Variants in ACSS3 observed in about 807,000 individuals in gnomAD.
ACSS3 encodes the protein acyl-CoA synthetase short-chain family member 3, mitochondrial.
In ACSS3, 64 loss-of-function variants were observed where a neutral mutation model predicts 84.2. That is an observed-to-expected ratio of 0.76 (90% CI 0.62 to 0.94). The LOEUF is 0.94. ACSS3 is among the 40% of genes least tolerant of loss of function. ACSS3 has a pLI of 0.00. For synonymous variants in ACSS3, 317 were observed against 310.1 expected, an observed-to-expected ratio of 1.02 and a Z score of -0.23; for missense variants, 815 against 867.6, an observed-to-expected ratio of 0.94 and a Z score of 0.76.
At position 81,256,935 on chromosome 12, in the gene ACSS3, C is replaced by T. The variant is rs2034321137; in HGVS notation, c.*2013C>T. The T allele has an allele frequency of 1.3e-5, 2 of 152,116 alleles. No homozygotes were observed. The highest frequency in any genetic ancestry group is 4.8e-5 in the African/African-American group (2 of 41,402). 9.4% of individuals were successfully genotyped at this position (152,116 alleles called of 1,614,324 possible). A position where few individuals can be genotyped will look rare whatever the true frequency, so the allele number is the denominator to read the frequency against. ...TTCATTGGTACGTTTTATCCATTGTCACAACTGTGGTCTTCATTAATAACT... is the reference window on the plus strand; with the variant it reads ...TTCATTGGTACGTTTTATCCATTGTTACAACTGTGGTCTTCATTAATAACT... On this transcript the variant is annotated 3_prime_UTR_variant, in exon 16 of 16. Transcript: ENST00000548058.
intron 2 of ACSS3, among the ~76,000 whole-genome samples, chr12:81,133,124 T>C (rs574194657): frequency 1.6e-4 from 25 of 152,252 alleles, no homozygotes; most frequent in African/African-American, 5.8e-4. Context: ...CGTGTTTTTT[T>C]TTTTCTTTCT....
At chr12:81,158,559 C>T (rs11835646) in intron 7 of ACSS3, 71,653 of 153,696 alleles carry the variant, frequency 0.47, 17,202 homozygotes, top group Non-Finnish European at 0.52. Context: ...GTGCTTGACT[C>T]CTCAGCATTT....
At chr12:81,126,397 G>A (rs1885099155) in intron 2 of ACSS3, among the ~76,000 whole-genome samples, 1 of 152,170 alleles carries the variant, frequency 6.6e-6, no homozygotes, top group African/African-American at 2.4e-5. Context: ...CCTGTTGTGT[G>A]TTAATAACAG....
At chr12:81,222,043 T>G (rs1240331413) in intron 11 of ACSS3, among the ~76,000 whole-genome samples, 1 of 152,034 alleles carries the variant, frequency 6.6e-6, no homozygotes, top group African/African-American at 2.4e-5. Flanking sequence ...AAACTGTAAT[T>G]TTTTTCTTAT....
At chr12:81,115,722 G>T (rs1883984740) in intron 2 of ACSS3, among the ~76,000 whole-genome samples, 1 of 152,212 alleles carries the variant, frequency 6.6e-6, no homozygotes, top group African/African-American at 2.4e-5. Flanking sequence ...TTAAAGAGAA[G>T]ACCTTACCAA....
At chr12:81,160,509 C>T (rs1489270655) in intron 7 of ACSS3, among the ~76,000 whole-genome samples, 1 of 152,168 alleles carries the variant, frequency 6.6e-6, no homozygotes. Context: ...GGTTATCTTG[C>T]TCTGCCTTTA....
intron 13 of ACSS3, among the ~76,000 whole-genome samples, chr12:81,235,271 T>C (rs2033594799): frequency 6.6e-6 from 1 of 151,264 alleles, no homozygotes; most frequent in East Asian, 1.9e-4. Context: ...TTCTATTTCA[T>C]TGATCTATGT....
chr12:81,121,401 A>G (rs1256316374), intron 2 of ACSS3, among the ~76,000 whole-genome samples: 1 of 152,188 alleles, frequency 6.6e-6, no homozygotes, highest in Admixed American at 6.5e-5. Flanking sequence ...TAAGAGAAAA[A>G]AAGCCTCTAA....
At chr12:81,218,312 G>A (rs1045549679) in intron 10 of ACSS3, among the ~76,000 whole-genome samples, 2 of 152,134 alleles carry the variant, frequency 1.3e-5, no homozygotes, top group African/African-American at 4.8e-5. Flanking sequence ...ATTTGGCTTA[G>A]TAGACCTATG....
upstream of ACSS3, chr12:81,078,014 G>A (rs1186319739): frequency 3.1e-6 from 4 of 1,276,842 alleles, no homozygotes; most frequent in Non-Finnish European, 4.2e-6. Context: ...TGGGCTCTGG[G>A]CTCACTTCGG....
chr12:81,250,697 G>A (rs543256792), intron 13 of ACSS3, among the ~76,000 whole-genome samples: 3 of 152,070 alleles, frequency 2.0e-5, no homozygotes, highest in South Asian at 4.1e-4. Flanking sequence ...AGATACCTTG[G>A]CATTTTAGGA....
rs1201470325 is a variant in ACSS3, at chr12:81,258,752, G to C, written c.*3830G>C. 6.6e-6 allele frequency: 1 copy of C among 152,032 alleles called. No individual in the cohort carries two copies. The highest frequency in any genetic ancestry group is 1.5e-5 in the Non-Finnish European group (1 of 68,020). The allele number at this position is 152,032 out of a possible 1,614,324, so 9.4% of individuals were successfully genotyped here. A position where few individuals can be genotyped will look rare whatever the true frequency, so the allele number is the denominator to read the frequency against. ...GGTATCTTGGGTTTCGTTTTCTCTA[G>C]TGGAAATGAGCCTCAGACTCTGCGG... is the stretch of plus-strand genomic sequence containing the variant. On this transcript the variant is annotated 3_prime_UTR_variant, in exon 16 of 16. Transcript: ENST00000548058.
chr12:81,113,255 T>A (rs1283621896), intron 2 of ACSS3, among the ~76,000 whole-genome samples: 3 of 151,838 alleles, frequency 2.0e-5, no homozygotes. Flanking sequence ...GTAAATAGAG[T>A]CTAGGGAGAT....
rs2034450296 is a variant in ACSS3 at position 81,258,592 on chromosome 12, T to C, written c.*3670T>C. The C allele has an allele frequency of 6.6e-6, 1 of 152,166 alleles. No homozygotes were observed. 9.4% of individuals were successfully genotyped at this position (152,166 alleles called of 1,614,324 possible). On this transcript the variant is annotated 3_prime_UTR_variant, in exon 16 of 16. Coordinates refer to ENST00000548058, the MANE Select transcript of ACSS3 (RefSeq NM_024560.4). ...CTATACTTTTATACACTATATATGT[T>C]AATCATTCTGTCTTTCATTTATTTC...
intron 1 of ACSS3, among the ~76,000 whole-genome samples, chr12:81,091,791 G>GTATGTT (rs1881684772): frequency 6.6e-6 from 1 of 152,060 alleles, no homozygotes; most frequent in African/African-American, 2.4e-5. Flanking sequence ...CTGTGTATGT[G>GTATGTT]TATGTTAAAA....
intron 1 of ACSS3, chr12:81,094,761 A>G (rs1442449924): frequency 6.6e-6 from 1 of 152,196 alleles, no homozygotes; most frequent in African/African-American, 2.4e-5. Context: ...GATAGTTAAG[A>G]TAAAGATGTA....
intron 1 of ACSS3, among the ~76,000 whole-genome samples, chr12:81,086,586 C>T (rs1299182529): frequency 6.6e-6 from 1 of 152,150 alleles, no homozygotes; most frequent in Non-Finnish European, 1.5e-5. Flanking sequence ...GACTGATCAA[C>T]TACTAGGTGT....
chr12:81,250,207 C>T (rs900004253), intron 13 of ACSS3, among the ~76,000 whole-genome samples: 11 of 152,042 alleles, frequency 7.2e-5, no homozygotes, highest in African/African-American at 2.2e-4. Context: ...CATATTTCAA[C>T]GCTTTCCCTT....
intron 9 of ACSS3, among the ~76,000 whole-genome samples, chr12:81,209,816 G>T (rs763823741): frequency 6.6e-6 from 1 of 152,154 alleles, no homozygotes; most frequent in Non-Finnish European, 1.5e-5. Context: ...AGAAGTGCGG[G>T]TCCCTCCCCT....
Sources: gnomAD v4.1 joint callset for allele counts (sites outside exome capture counted in the v4.1 genomes callset) on GRCh38, gnomAD v4.1.1 for gene constraint, MANE v1.5 for transcripts, NCBI Gene and HGNC (gene_info 2026-07-23, HGNC 2026-07-21) for gene names.